Variants in MFAP5 observed in about 807,000 individuals in gnomAD.
MFAP5 encodes the protein microfibrillar-associated protein 5.
A neutral mutation model predicts 30.1 loss-of-function variants in MFAP5; 19 were observed. The ratio of observed to expected loss-of-function variants is 0.63; its 90% CI spans 0.44 to 0.93. The LOEUF (loss-of-function observed/expected upper bound fraction) is 0.93. Ranked by LOEUF, MFAP5 falls within the 40% of genes least tolerant of loss-of-function variation. The pLI is 0.00. For synonymous variants in MFAP5, 92 were observed against 72.9 expected (o/e 1.26, Z -1.33); for missense variants, 210 against 221.3 (o/e 0.95, Z 0.32).
rs115318642 is a variant in MFAP5 at position 8,661,949 on chromosome 12, C to T, written c.58+98G>A. ...CAGAGCTCAATACCAAGCATCTCTACTGCTATTCCTCTTCGACCTCATTCC... is the reference window on the plus strand; with the variant it reads ...CAGAGCTCAATACCAAGCATCTCTATTGCTATTCCTCTTCGACCTCATTCC... On this transcript the variant is annotated intron_variant, in intron 2 of 9. Coordinates refer to ENST00000359478, the MANE Select transcript of MFAP5 (RefSeq NM_003480.4). 693 of 1,141,610 alleles carry T rather than the reference C, an allele frequency of 6.1e-4. 6 individuals are homozygous for T. The African/African-American group carries it at 9.4e-3, about 16-fold the overall frequency. The allele number at this position is 1,141,610 out of a possible 1,614,324, so 70.7% of individuals were successfully genotyped here.
In MFAP5 at chr12:8,652,645, T is replaced by G. The variant is rs142605844; in HGVS notation, c.218-954A>C. Among the ~76,000 whole-genome samples, 29 of 152,254 alleles carry G rather than the reference T, an allele frequency of 1.9e-4. No homozygotes were observed. In the East Asian group the frequency reaches 5.6e-3, roughly 29 times the overall value. On this transcript the variant is annotated intron_variant, in intron 6 of 9. Coordinates refer to ENST00000359478, the MANE Select transcript of MFAP5 (RefSeq NM_003480.4). The stretch of plus-strand genomic sequence containing the variant: ...GAATACTAGGACCTGTGTTATGAGA[T>G]CTCATCTATCCCATGGTTTCTAGGC...
chr12:8,658,923 T>C (rs1265837320), intron 3 of MFAP5, among the ~76,000 whole-genome samples: 5 of 151,468 alleles, frequency 3.3e-5, no homozygotes, highest in Non-Finnish European at 7.4e-5. Context: ...TTCGAACTCC[T>C]GGGCTCAAGC....
Position 8,651,711 on chromosome 12 carries a change from T to G in MFAP5, c.218-20A>C. On this transcript the variant is annotated intron_variant, in intron 6 of 9. Coordinates refer to ENST00000359478, the MANE Select transcript of MFAP5 (RefSeq NM_003480.4). ...GGGAGGCTGAAAGGCAGAAATTTTA[T>G]TCCACTGTTACCAATTCTAGAAGTT... is the stretch of plus-strand genomic sequence containing the variant. 1 of 1,611,082 alleles carries G rather than the reference T, an allele frequency of 6.2e-7. No individual in the cohort carries two copies.
intron 4 of MFAP5, 134 bp from the exon 5 acceptor site, chr12:8,655,581 G>T: frequency 9.8e-7 from 1 of 1,024,744 alleles, no homozygotes; most frequent in Non-Finnish European, 1.4e-6. Flanking sequence ...GGCAGATGAG[G>T]GACTATCGCA....
intron 7 of MFAP5, among the ~76,000 whole-genome samples, 162 bp from the exon 8 acceptor site, chr12:8,650,751 A>G (rs1216397702): frequency 6.6e-6 from 1 of 152,226 alleles, no homozygotes; most frequent in Non-Finnish European, 1.5e-5. Context: ...TCCACCAAAA[A>G]CACAGCAAGA....
intron 1 of MFAP5, chr12:8,662,426 C>A (rs965255660): frequency 1.4e-4 from 39 of 270,772 alleles, no homozygotes; most frequent in South Asian, 5.1e-4. Context: ...GTGGAATCTT[C>A]CTTTCTCATA....
chr12:8,651,605 T>TAA, intron 7 of MFAP5, 57 bp downstream of exon 7: 1 of 1,552,520 alleles, frequency 6.4e-7, no homozygotes. Flanking sequence ...AACAAGGAGG[T>TAA]AAGGAATCCA....
rs200873288 is a variant in MFAP5 at position 8,651,738 on chromosome 12, C to T, written c.218-47G>A. 46 of 1,560,124 alleles carry T rather than the reference C, an allele frequency of 2.9e-5. 1 individual carries two copies. In the African/African-American group the frequency reaches 4.5e-4, roughly 15 times the overall value. On this transcript the variant is annotated intron_variant, in intron 6 of 9. Transcript: ENST00000359478. ...CCACTGTTACCAATTCTAGAAGTTACTACTTCTGTAACTGCCACACTGCCT... is the reference window on the plus strand; with the variant it reads ...CCACTGTTACCAATTCTAGAAGTTATTACTTCTGTAACTGCCACACTGCCT...
chr12:8,648,156 G>A lies in MFAP5; in HGVS notation c.457C>T (p.Arg153Cys), dbSNP rs779463853. 18 of 1,613,812 alleles carry A rather than the reference G, an allele frequency of 1.1e-5. No individual in the cohort carries two copies. The highest frequency in any genetic ancestry group is 4.0e-5 in the African/African-American group (3 of 74,886). The change falls in exon 10 of 10, where the codon CGC (arginine) becomes TGC (cysteine). Residue 153 changes from arginine to cysteine, a missense_variant. Transcript: ENST00000359478. ...MAGLPPRRLR[R>C]SNYFRLPPCE... ...GGAGGAAGTCGGAAGTAATTGGAGC[G>A]ACGGAGTCTCCTAGGGGGCAGACCA... is the stretch of plus-strand genomic sequence containing the variant.
intron 3 of MFAP5, among the ~76,000 whole-genome samples, chr12:8,660,107 G>T (rs1942105165): frequency 6.6e-6 from 1 of 151,998 alleles, no homozygotes; most frequent in Non-Finnish European, 1.5e-5. Context: ...TACCTAAAAA[G>T]CTGAAAAACC....
chr12:8,661,072 A>G (rs1488956349), intron 2 of MFAP5, among the ~76,000 whole-genome samples, 174 bp from the exon 3 acceptor site: 3 of 152,192 alleles, frequency 2.0e-5, no homozygotes, highest in African/African-American at 7.2e-5. Flanking sequence ...AACAAAACCA[A>G]TAGGAATAGA....
intron 4 of MFAP5, 87 bp from the exon 5 acceptor site, chr12:8,655,534 G>T: frequency 1.4e-6 from 2 of 1,389,924 alleles, no homozygotes; most frequent in South Asian, 1.3e-5. Context: ...GATCTCAAAG[G>T]AGGCAAGAAA....
intron 3 of MFAP5, among the ~76,000 whole-genome samples, chr12:8,659,672 GA>G (rs1481925086): frequency 6.6e-6 from 1 of 151,620 alleles, no homozygotes; most frequent in Non-Finnish European, 1.5e-5. Flanking sequence ...ACCAACAACA[GA>G]AAAAAAATTT....
At chr12:8,662,407 A>T in intron 1 of MFAP5, 1 of 293,734 alleles carries the variant, frequency 3.4e-6, no homozygotes, top group Non-Finnish European at 6.3e-6. Context: ...GGCCTCTTTC[A>T]CCCCTGATGT....
At chr12:8,649,739 A>C (rs1174186673) in intron 8 of MFAP5, among the ~76,000 whole-genome samples, 165 bp from the exon 9 acceptor site, 1 of 152,046 alleles carries the variant, frequency 6.6e-6, no homozygotes, top group Non-Finnish European at 1.5e-5. Flanking sequence ...TTGCCCCCCA[A>C]CTGGAAAATA....
chr12:8,648,726 TG>T (rs1941751614), intron 9 of MFAP5, among the ~76,000 whole-genome samples: 1 of 152,154 alleles, frequency 6.6e-6, no homozygotes, highest in Non-Finnish European at 1.5e-5. Flanking sequence ...ACAAAGCCAA[TG>T]GGGGCACACA....
chr12:8,662,199 CTT>C (rs1942174287), intron 1 of MFAP5, 93 bp from the exon 2 acceptor site: 1 of 1,015,874 alleles, frequency 9.8e-7, no homozygotes, highest in Non-Finnish European at 1.5e-6. Flanking sequence ...GTCCCTGTCT[CTT>C]TGTCTTCCCA....
At chr12:8,655,635 A>G (rs1277651421) in intron 4 of MFAP5, 151 bp downstream of exon 4, 3 of 991,742 alleles carry the variant, frequency 3.0e-6, no homozygotes, top group South Asian at 3.1e-5. Context: ...GCGTACAGAG[A>G]TGCTGGCATC....
At chr12:8,661,311 A>G (rs1942144095) in intron 2 of MFAP5, among the ~76,000 whole-genome samples, 1 of 152,162 alleles carries the variant, frequency 6.6e-6, no homozygotes. Flanking sequence ...CTGTATCGGA[A>G]GAAGGAGGGA....
Sources: allele counts gnomAD v4.1 joint callset (sites outside exome capture counted in the v4.1 genomes callset), GRCh38; gene constraint gnomAD v4.1.1; transcripts MANE v1.5; gene names NCBI Gene and HGNC (gene_info 2026-07-23, HGNC 2026-07-21).